MPP7: variants seen among roughly 807,000 people sequenced by gnomAD.
The protein encoded by MPP7 is MAGUK p55 subfamily member 7.
A neutral mutation model predicts 76.5 loss-of-function variants in MPP7; 60 were observed. That is an observed-to-expected ratio of 0.78 (90% CI 0.64 to 0.97). The LOEUF (loss-of-function observed/expected upper bound fraction) is 0.97. Ranked by LOEUF, MPP7 falls within the 50% of genes least tolerant of loss-of-function variation. MPP7 has a pLI of 0.00. For missense variants in MPP7, 641 were observed against 694.0 expected, an observed-to-expected ratio of 0.92 and a Z score of 0.86; for synonymous variants, 237 against 244.5, an observed-to-expected ratio of 0.97 and a Z score of 0.29.
intron 7 of MPP7, 138 bp from the exon 8 acceptor site, chr10:28,124,254 A>C: frequency 1.5e-6 from 1 of 646,176 alleles, no homozygotes; most frequent in Non-Finnish European, 2.8e-6. Flanking sequence ...CACACATCTC[A>C]GGTTTCAGCC....
At chr10:28,109,926 T>C (rs1413260123) in intron 11 of MPP7, among the ~76,000 whole-genome samples, 1 of 137,174 alleles carries the variant, frequency 7.3e-6, no homozygotes, top group African/African-American at 2.7e-5. Context: ...GCAATGCCAC[T>C]CTTAAACATA....
chr10:28,205,221 C>T (rs1249034623), intron 2 of MPP7, among the ~76,000 whole-genome samples: 1 of 152,048 alleles, frequency 6.6e-6, no homozygotes, highest in Non-Finnish European at 1.5e-5. Context: ...CGTGTGCAGT[C>T]TCCATGAAGG....
intron 1 of MPP7, among the ~76,000 whole-genome samples, chr10:28,294,250 T>C (rs1216721903): frequency 6.6e-6 from 1 of 152,172 alleles, no homozygotes; most frequent in Non-Finnish European, 1.5e-5. Context: ...GAACCTGCAG[T>C]GAGCTGAGAT....
chr10:28,090,202 C>A (rs1235365528), intron 11 of MPP7, among the ~76,000 whole-genome samples: 5 of 152,120 alleles, frequency 3.3e-5, no homozygotes, highest in African/African-American at 4.8e-5. Context: ...CTCAAGCAAT[C>A]CCCCCAGTTT....
intron 6 of MPP7, among the ~76,000 whole-genome samples, chr10:28,128,028 C>T (rs1432832783): frequency 2.0e-5 from 3 of 152,016 alleles, no homozygotes; most frequent in African/African-American, 4.8e-5. Flanking sequence ...AGCAGAGGAG[C>T]GGCAAGAGGA....
At chr10:28,227,890 C>T (rs769253461) in intron 2 of MPP7, among the ~76,000 whole-genome samples, 3 of 152,116 alleles carry the variant, frequency 2.0e-5, no homozygotes, top group Admixed American at 6.5e-5. Context: ...TTTGAGAAAT[C>T]GCCACACTGT....
rs759340412 is a variant in MPP7 at position 28,056,535 on chromosome 10, T to G, written c.1496A>C (p.Lys499Thr). 5.6e-6 allele frequency: 9 copies of G among 1,612,696 alleles called. No individual in the cohort carries two copies. Among genetic ancestry groups the G allele is most frequent in the Non-Finnish European group, 7.6e-6 (9 of 1,179,770 alleles). Residue 499 changes from lysine to threonine, a missense_variant, in exon 16 of 17, where the codon AAA (lysine) becomes ACA (threonine). Transcript: ENST00000683449. ...TCTGCTTGAAATAATCTTTGCATTT[T>G]TTCTTGTTTCTCTCAAACGCTCTAT... ...PSIERLRETR[K>T]NAKIISSRDD...
intron 1 of MPP7, among the ~76,000 whole-genome samples, chr10:28,331,896 T>C (rs1269162964): frequency 6.6e-6 from 1 of 152,200 alleles, no homozygotes; most frequent in Non-Finnish European, 1.5e-5. Context: ...TATCTTTATA[T>C]AGAAATGAGA....
intron 2 of MPP7, among the ~76,000 whole-genome samples, chr10:28,204,479 G>A (rs947560273): frequency 1.8e-4 from 26 of 147,608 alleles, no homozygotes; most frequent in Non-Finnish European, 2.2e-4. Context: ...CACTAAATAC[G>A]CAAACACACG....
chr10:28,266,606 A>G (rs1296906396), intron 1 of MPP7, among the ~76,000 whole-genome samples: 1 of 152,178 alleles, frequency 6.6e-6, no homozygotes, highest in African/African-American at 2.4e-5. Context: ...GAATGCATGG[A>G]TAACACAACA....
intron 11 of MPP7, among the ~76,000 whole-genome samples, chr10:28,107,388 G>A (rs1422969035): frequency 6.6e-6 from 1 of 152,022 alleles, no homozygotes; most frequent in Non-Finnish European, 1.5e-5. Context: ...AATCCCTACT[G>A]TCTGATTGAC....
Position 28,131,669 on chromosome 10 carries a change from G to A in MPP7, c.338C>T (p.Thr113Ile). The change falls in exon 6 of 17, where the codon ACT becomes ATT. Residue 113 changes from threonine (T) to isoleucine (I), a missense_variant. Coordinates refer to ENST00000683449, the MANE Select transcript of MPP7 (RefSeq NM_001318170.2). ...TGGGTCGTAATTCTTCTGAGCCACA[G>A]TATCATGTACAGAGAGCAAAGCCTG... ...NVKALLSVHD[T>I]VAQKNYDPVL... is the part of the protein sequence containing the mutation. The A allele has an allele frequency of 6.3e-7, 1 of 1,598,702 alleles. No homozygotes were observed. Among genetic ancestry groups the A allele is most frequent in the Non-Finnish European group, 8.5e-7 (1 of 1,170,618 alleles).
intron 3 of MPP7, among the ~76,000 whole-genome samples, chr10:28,196,480 GAAA>G (rs35571821): frequency 1.1e-4 from 14 of 131,440 alleles, no homozygotes; most frequent in Admixed American, 1.5e-4. Context: ...ACTCCATCTC[GAAA>G]AAAAAAAAAA....
intron 12 of MPP7, among the ~76,000 whole-genome samples, chr10:28,080,775 G>T (rs1402577506): frequency 6.6e-6 from 1 of 152,006 alleles, no homozygotes; most frequent in African/African-American, 2.4e-5. Flanking sequence ...TACATACAAG[G>T]GTTATAATTT....
Position 28,238,700 on chromosome 10 carries a change from T to C in MPP7, c.-96A>G, listed in dbSNP as rs1249702666. The C allele has an allele frequency of 1.1e-5, 13 of 1,212,384 alleles. No individual in the cohort carries two copies. Among genetic ancestry groups the C allele is most frequent in the South Asian group, 2.5e-5 (2 of 81,344 alleles). 75.1% of individuals were successfully genotyped at this position (1,212,384 alleles called of 1,614,324 possible). Reference sequence around the variant, plus strand: ...TCCAATTCAACAGCCTGCAGCCACGTTGTCTACCAAGATCTGTATATTTTG... The same window carrying C: ...TCCAATTCAACAGCCTGCAGCCACGCTGTCTACCAAGATCTGTATATTTTG... On this transcript the variant is annotated 5_prime_UTR_variant, in exon 2 of 17. Transcript: ENST00000683449.
chr10:28,257,905 G>C (rs879414607), intron 1 of MPP7, among the ~76,000 whole-genome samples: 4 of 151,876 alleles, frequency 2.6e-5, no homozygotes, highest in Non-Finnish European at 5.9e-5. Flanking sequence ...TTGTTTAATG[G>C]GGGGCTCTGT....
At position 28,302,851 on chromosome 10, in the gene MPP7, G is replaced by T. The variant is rs1416412864; in HGVS notation, c.-132+10C>A. Reference sequence around the variant, plus strand: ...GCTCCGACAGGCGCTCCCCAGAGGCGCCCCATTACCTGCTCTGGGCTGCCG... The same window carrying T: ...GCTCCGACAGGCGCTCCCCAGAGGCTCCCCATTACCTGCTCTGGGCTGCCG... On this transcript the variant is annotated intron_variant, in intron 1 of 16. Coordinates refer to ENST00000683449, the MANE Select transcript of MPP7 (RefSeq NM_001318170.2). Among the ~76,000 whole-genome samples the T allele has an allele frequency of 3.3e-5, 5 of 152,104 alleles. No homozygotes were observed. The highest frequency in any genetic ancestry group is 1.2e-4 in the African/African-American group (5 of 41,442).
At chr10:28,180,462 G>A (rs969291296) in intron 3 of MPP7, among the ~76,000 whole-genome samples, 3 of 151,996 alleles carry the variant, frequency 2.0e-5, no homozygotes, top group Non-Finnish European at 4.4e-5. Context: ...TTTCTACAGC[G>A]CAACTGTTAG....
Position 28,076,887 on chromosome 10 carries a change from GAA to G in MPP7, c.1124-7037_1124-7036del, listed in dbSNP as rs757961305. On this transcript the variant is annotated intron_variant, in intron 12 of 16. Transcript: ENST00000683449. The stretch of plus-strand genomic sequence containing the variant: ...TGGGTGACAGAGTAAGACTCCGTCT[GAA>G]AAAAAAAAAAAAATGCAAATAGAGT... Among the ~76,000 whole-genome samples, 25 of 132,258 alleles carry G rather than the reference GAA, an allele frequency of 1.9e-4. No individual in the cohort carries two copies. The East Asian group carries it at 1.9e-3, about 10-fold the overall frequency. The allele number at this position is 132,258 out of a possible 152,430, so 86.8% of individuals were successfully genotyped here.
Sources: allele counts gnomAD v4.1 joint callset (sites outside exome capture counted in the v4.1 genomes callset), GRCh38; gene constraint gnomAD v4.1.1; transcripts MANE v1.5; gene names NCBI Gene and HGNC (gene_info 2026-07-23, HGNC 2026-07-21).